Variants in HS6ST3 observed in about 807,000 individuals in gnomAD.
HS6ST3 encodes the protein heparan sulfate 6-O-sulfotransferase 3.
In HS6ST3, 12 loss-of-function variants were observed where a neutral mutation model predicts 36.7. The ratio of observed to expected loss-of-function variants is 0.33; its 90% CI spans 0.21 to 0.53. The LOEUF (loss-of-function observed/expected upper bound fraction) is 0.53. Among genes scored for constraint, HS6ST3 ranks in the 20% least tolerant of loss-of-function variants. HS6ST3 has a pLI of 0.95. For synonymous variants in HS6ST3, 240 were observed against 257.5 expected, an observed-to-expected ratio of 0.93 and a Z score of 0.65; for missense variants, 584 against 640.9, an observed-to-expected ratio of 0.91 and a Z score of 0.96.
intron 1 of HS6ST3, among the ~76,000 whole-genome samples, chr13:96,118,561 T>C (rs1030595171): frequency 6.7e-6 from 1 of 149,690 alleles, no homozygotes; most frequent in Non-Finnish European, 1.5e-5. Context: ...AAACTTCCTC[T>C]GATTTGGAAA....
intron 1 of HS6ST3, among the ~76,000 whole-genome samples, chr13:96,244,011 C>T (rs1056263426): frequency 2.0e-5 from 3 of 151,074 alleles, no homozygotes; most frequent in Non-Finnish European, 4.4e-5. Flanking sequence ...CTAAAAAAGG[C>T]CCCCCCGAGA....
rs535851661 is a variant in HS6ST3, at chr13:96,271,210, A to G, written c.707+179641A>G. On this transcript the variant is annotated intron_variant, in intron 1 of 1. Coordinates refer to ENST00000376705, the MANE Select transcript of HS6ST3 (RefSeq NM_153456.4). ...ATATTGAATGTCGAGTTGGAAAGAGAGGCTCAGTAGCAAGCCATTACATAG... is the reference window on the plus strand; with the variant it reads ...ATATTGAATGTCGAGTTGGAAAGAGGGGCTCAGTAGCAAGCCATTACATAG... Among the ~76,000 whole-genome samples the G allele has an allele frequency of 2.0e-5, 3 of 152,032 alleles. 1 individual carries two copies. In the South Asian group the frequency reaches 6.2e-4, roughly 32 times the overall value.
intron 1 of HS6ST3, among the ~76,000 whole-genome samples, chr13:96,524,113 C>T (rs921761635): frequency 4.6e-5 from 7 of 152,122 alleles, no homozygotes. Context: ...CTAACAGGCC[C>T]CTCAGCTGCA....
In HS6ST3 at chr13:96,835,153, A is replaced by C. The variant is rs1200632957; in HGVS notation, c.*1955A>C. The C allele has an allele frequency of 6.6e-6, 1 of 152,162 alleles. No homozygotes were observed. Among genetic ancestry groups the C allele is most frequent in the Admixed American group, 6.5e-5 (1 of 15,292 alleles). The allele number at this position is 152,162 out of a possible 1,614,324, so 9.4% of individuals were successfully genotyped here. ...TATGGAATAAGGGCTCGTCCTACCT[A>C]AAGCTTCCTGCCAATAATGCAAGAA... On this transcript the variant is annotated 3_prime_UTR_variant, in exon 2 of 2. Transcript: ENST00000376705.
At chr13:96,227,641 A>T (rs1483725161) in intron 1 of HS6ST3, among the ~76,000 whole-genome samples, 1 of 152,216 alleles carries the variant, frequency 6.6e-6, no homozygotes, top group Middle Eastern at 3.2e-3. Flanking sequence ...AAAATGATTA[A>T]TTAGACAAGA....
chr13:96,536,725 A>G (rs1460865033), intron 1 of HS6ST3, among the ~76,000 whole-genome samples: 1 of 152,198 alleles, frequency 6.6e-6, no homozygotes. Flanking sequence ...ATAATCTGAA[A>G]CAGCCAGGTA....
At chr13:96,609,117 CCGCCACCA>C (rs569383739) in intron 1 of HS6ST3, among the ~76,000 whole-genome samples, 5,481 of 151,898 alleles carry the variant, frequency 0.036, 154 homozygotes, top group Non-Finnish European at 0.056. Context: ...CTATAGGCGC[CCGCCACCA>C]CGCCCAGCTA....
chr13:96,126,520 A>C (rs781319546), intron 1 of HS6ST3, among the ~76,000 whole-genome samples: 1 of 152,194 alleles, frequency 6.6e-6, no homozygotes, highest in Non-Finnish European at 1.5e-5. Flanking sequence ...AATGGGCAGC[A>C]TAGCAGAAAA....
At chr13:96,320,375 G>T (rs2054997298) in intron 1 of HS6ST3, among the ~76,000 whole-genome samples, 1 of 152,180 alleles carries the variant, frequency 6.6e-6, no homozygotes, top group Admixed American at 6.5e-5. Flanking sequence ...ACAGTGCCTT[G>T]CATTATATTG....
intron 1 of HS6ST3, among the ~76,000 whole-genome samples, chr13:96,539,600 C>G (rs1389094471): frequency 1.3e-5 from 2 of 152,126 alleles, no homozygotes; most frequent in African/African-American, 4.8e-5. Flanking sequence ...CATGATCCAC[C>G]CGCCTCAGCC....
intron 1 of HS6ST3, among the ~76,000 whole-genome samples, chr13:96,572,503 G>A (rs2056304273): frequency 6.6e-6 from 1 of 151,982 alleles, no homozygotes. Context: ...TATTAAAATA[G>A]GCCCTACAGT....
chr13:96,832,986 T>C lies in HS6ST3; in HGVS notation c.1204T>C (p.Phe402Leu). ...GARQRIEDLNFLDMQLYEYAK... is the reference protein window; with the variant it reads ...GARQRIEDLNLLDMQLYEYAK... ...CCGCCAACGCATTGAGGATCTAAAC[T>C]TCCTGGACATGCAGCTTTACGAGTA... is the stretch of plus-strand genomic sequence containing the variant. Residue 402 changes from phenylalanine to leucine, a missense_variant, in exon 2 of 2, where the codon TTC becomes CTC. Phe to Leu is a conservative substitution (Grantham distance 22). This residue lies in a region of HS6ST3 where 360 missense variants were observed against 411.3 expected (regional missense o/e 0.88). Coordinates refer to ENST00000376705, the MANE Select transcript of HS6ST3 (RefSeq NM_153456.4). 1 of 1,614,118 alleles carries C rather than the reference T, an allele frequency of 6.2e-7. No individual in the cohort carries two copies. The highest frequency in any genetic ancestry group is 8.5e-7 in the Non-Finnish European group (1 of 1,180,012).
intron 1 of HS6ST3, among the ~76,000 whole-genome samples, chr13:96,514,314 C>T (rs2056063165): frequency 6.6e-6 from 1 of 152,058 alleles, no homozygotes; most frequent in Non-Finnish European, 1.5e-5. Context: ...GTGATTAATT[C>T]AATGTGAGAT....
chr13:96,386,293 A>G (rs899993069), intron 1 of HS6ST3, among the ~76,000 whole-genome samples: 3 of 152,152 alleles, frequency 2.0e-5, no homozygotes, highest in Non-Finnish European at 4.4e-5. Flanking sequence ...ACCAAAAGCA[A>G]TCTGGGAAGA....
chr13:96,355,781 C>T (rs1438357534), intron 1 of HS6ST3, among the ~76,000 whole-genome samples: 1 of 152,080 alleles, frequency 6.6e-6, no homozygotes, highest in African/African-American at 2.4e-5. Context: ...TTGATTGACT[C>T]TTCCTTTCAC....
intron 1 of HS6ST3, among the ~76,000 whole-genome samples, chr13:96,224,540 T>C (rs1434268917): frequency 6.6e-6 from 1 of 152,162 alleles, no homozygotes; most frequent in Non-Finnish European, 1.5e-5. Context: ...GATCTTGAAC[T>C]CCTAGGCTCA....
intron 1 of HS6ST3, among the ~76,000 whole-genome samples, chr13:96,242,434 G>T (rs1011160608): frequency 6.6e-6 from 1 of 151,662 alleles, no homozygotes; most frequent in African/African-American, 2.4e-5. Context: ...ACCCAGGCTG[G>T]TCTTGAACCC....
intron 1 of HS6ST3, among the ~76,000 whole-genome samples, chr13:96,739,628 T>C (rs1433225040): frequency 2.6e-5 from 4 of 152,096 alleles, no homozygotes; most frequent in Non-Finnish European, 5.9e-5. Flanking sequence ...GTCCAGTACA[T>C]CCAGAATCGG....
intron 1 of HS6ST3, among the ~76,000 whole-genome samples, chr13:96,296,726 T>A (rs1282555382): frequency 6.6e-6 from 1 of 152,208 alleles, no homozygotes; most frequent in African/African-American, 2.4e-5. Context: ...CAGGCATTTT[T>A]AAATTTCCCA....
Sources: gnomAD v4.1 joint callset for allele counts (sites outside exome capture counted in the v4.1 genomes callset) on GRCh38, gnomAD v4.1.1 for gene constraint, gnomAD v4.1.1 regional missense constraint, MANE v1.5 for transcripts, NCBI Gene and HGNC (gene_info 2026-07-23, HGNC 2026-07-21) for gene names.